Variants in ADD3 observed in about 807,000 individuals in gnomAD.
The protein encoded by ADD3 is gamma-adducin.
Under a neutral mutation model 80.2 loss-of-function variants are expected in ADD3, and 25 were observed. The ratio of observed to expected loss-of-function variants is 0.31; its 90% CI spans 0.23 to 0.44. The LOEUF is 0.44. ADD3 is among the 20% of genes least tolerant of loss of function. The pLI, the probability that ADD3 is intolerant of heterozygous loss-of-function variation, is 1.00. For synonymous variants in ADD3, 284 were observed against 289.6 expected, an observed-to-expected ratio of 0.98 and a Z score of 0.20; for missense variants, 829 against 847.5, an observed-to-expected ratio of 0.98 and a Z score of 0.27.
chr10:110,081,513 G>A (rs1846056979), intron 1 of ADD3, among the ~76,000 whole-genome samples: 1 of 151,910 alleles, frequency 6.6e-6, no homozygotes, highest in Non-Finnish European at 1.5e-5. Flanking sequence ...TTAAAAAGAA[G>A]GTCTTAATGT....
chr10:110,132,107 C>T (rs1409536985), intron 13 of ADD3, among the ~76,000 whole-genome samples, 198 bp from the exon 14 acceptor site: 1 of 152,144 alleles, frequency 6.6e-6, no homozygotes, highest in Non-Finnish European at 1.5e-5. Flanking sequence ...CCATTAGCAG[C>T]CAGAAATGTT....
At chr10:109,996,433 G>A (rs929767722) in exon 1 of ADD3, 3 of 152,176 alleles carry the variant, frequency 2.0e-5, no homozygotes, top group African/African-American at 7.2e-5. Context: ...AAGATACTGT[G>A]CATAAGACAT....
intron 1 of ADD3, among the ~76,000 whole-genome samples, chr10:110,000,495 C>A (rs932640813): frequency 2.0e-5 from 3 of 152,218 alleles, no homozygotes; most frequent in Non-Finnish European, 2.9e-5. Context: ...TGAGCACCTA[C>A]TATGTGCCAT....
At chr10:110,116,434 C>T (rs756144948) in intron 4 of ADD3, 24 bp downstream of exon 4, 2 of 1,610,182 alleles carry the variant, frequency 1.2e-6, no homozygotes, top group African/African-American at 2.7e-5. Context: ...CTTTCAATTC[C>T]TTTTTTAAAA....
chr10:110,026,118 A>G (rs1179375418), intron 1 of ADD3, among the ~76,000 whole-genome samples: 1 of 152,144 alleles, frequency 6.6e-6, no homozygotes, highest in African/African-American at 2.4e-5. Flanking sequence ...TAGGAACATT[A>G]TATAGAAAAT....
At chr10:110,002,234 G>GTA (rs973411541), upstream of ADD3, among the ~76,000 whole-genome samples, 3 of 152,214 alleles carry the variant, frequency 2.0e-5, no homozygotes, top group African/African-American at 7.2e-5. Context: ...GGAGGTCACA[G>GTA]TAAGACTCCG....
upstream of ADD3, among the ~76,000 whole-genome samples, chr10:110,005,375 A>G (rs570095999): frequency 9.2e-5 from 14 of 152,298 alleles, no homozygotes; most frequent in Admixed American, 1.3e-4. Context: ...GTGATTTTTT[A>G]TATCACATGA....
chr10:110,082,121 C>A (rs1372970701), intron 1 of ADD3, among the ~76,000 whole-genome samples: 1 of 152,144 alleles, frequency 6.6e-6, no homozygotes, highest in Non-Finnish European at 1.5e-5. Context: ...TCAGGAAATG[C>A]TGTTTTTCAA....
At chr10:110,005,666 C>T (rs1295556014), upstream of ADD3, 1 of 152,082 alleles carries the variant, frequency 6.6e-6, no homozygotes, top group Non-Finnish European at 1.5e-5. Flanking sequence ...TGCCATTACC[C>T]CAATGTTTGA....
chr10:110,079,613 T>C (rs532075336), intron 1 of ADD3, among the ~76,000 whole-genome samples: 2 of 152,152 alleles, frequency 1.3e-5, no homozygotes, highest in East Asian at 1.9e-4. Context: ...TGGAGTATAG[T>C]GGCGCGATCT....
intron 1 of ADD3, among the ~76,000 whole-genome samples, chr10:110,092,986 G>A (rs1013276339): frequency 2.0e-5 from 3 of 152,096 alleles, no homozygotes; most frequent in African/African-American, 7.2e-5. Context: ...CAGCCTCTGA[G>A]TAGCTAGGAT....
chr10:110,080,801 ATTAC>A (rs987381491), intron 1 of ADD3, among the ~76,000 whole-genome samples: 5 of 152,234 alleles, frequency 3.3e-5, no homozygotes, highest in African/African-American at 4.8e-5. Context: ...TAAAACTGAC[ATTAC>A]TTAACATAAT....
intron 1 of ADD3, among the ~76,000 whole-genome samples, chr10:110,040,917 T>G (rs1303135156): frequency 2.1e-5 from 3 of 142,016 alleles, no homozygotes; most frequent in South Asian, 4.5e-4. Context: ...ACGCACGCGC[T>G]CTCTCTCTCT....
chr10:110,060,262 C>T (rs547896035), intron 1 of ADD3, among the ~76,000 whole-genome samples: 2 of 152,224 alleles, frequency 1.3e-5, no homozygotes, highest in East Asian at 3.9e-4. Flanking sequence ...AATATATTAA[C>T]GTTTATTCCA....
At chr10:110,045,682 A>G (rs958953218) in intron 1 of ADD3, among the ~76,000 whole-genome samples, 3 of 152,224 alleles carry the variant, frequency 2.0e-5, no homozygotes, top group African/African-American at 4.8e-5. Context: ...ACCACCATAA[A>G]ATATACACAT....
At chr10:110,019,469 C>T (rs1302140762) in intron 1 of ADD3, among the ~76,000 whole-genome samples, 3 of 152,020 alleles carry the variant, frequency 2.0e-5, no homozygotes, top group African/African-American at 7.2e-5. Flanking sequence ...ATTCTCCTGC[C>T]TCAGCCTCCC....
intron 1 of ADD3, among the ~76,000 whole-genome samples, chr10:110,085,517 T>G (rs1846616258): frequency 6.6e-6 from 1 of 152,006 alleles, no homozygotes. Flanking sequence ...TAGGCAGAGT[T>G]TAGGGACAGG....
chr10:110,099,564 A>G (rs796825756), intron 1 of ADD3, among the ~76,000 whole-genome samples: 3 of 152,320 alleles, frequency 2.0e-5, no homozygotes, highest in African/African-American at 7.2e-5. Context: ...TAGTAAGGGA[A>G]AGTATGTCAT....
chr10:110,119,386 T>G (rs1172196217), intron 7 of ADD3, 32 bp downstream of exon 7: 1 of 1,613,130 alleles, frequency 6.2e-7, no homozygotes, highest in Admixed American at 1.7e-5. Context: ...AGGAGCTATT[T>G]TTGTTGCTGC....
Sources: gnomAD v4.1 joint callset for allele counts (sites outside exome capture counted in the v4.1 genomes callset) on GRCh38, gnomAD v4.1.1 for gene constraint, MANE v1.5 for transcripts, NCBI Gene and HGNC (gene_info 2026-07-23, HGNC 2026-07-21) for gene names.